KCTD19: variants seen among roughly 807,000 people sequenced by gnomAD.
KCTD19 encodes BTB/POZ domain-containing protein KCTD19.
In KCTD19, 67 loss-of-function variants were observed where a neutral mutation model predicts 103.5. The observed-to-expected ratio is 0.65, with a 90% CI of 0.53 to 0.79. The LOEUF is 0.79. Among genes scored for constraint, KCTD19 ranks in the 30% least tolerant of loss-of-function variants. KCTD19 has a pLI of 0.00. For missense variants in KCTD19, 980 were observed against 1,136.1 expected (o/e 0.86, Z 1.98); for synonymous variants, 439 against 452.2 (o/e 0.97, Z 0.37).
Position 67,303,419 on chromosome 16 carries a change from GC to G in KCTD19, c.452-83del. ...CAGCAGGGCTTTCACTGACCCAGGG[GC>G]CCCAGAGGATGCTAGAGAGACCCCC... On this transcript the variant is annotated intron_variant, in intron 3 of 15. Coordinates refer to ENST00000304372, the MANE Select transcript of KCTD19 (RefSeq NM_001100915.3). The surrounding 1 kb of genome is among the most constrained non-coding windows in gnomAD (Gnocchi z 4.3). 2 of 1,217,654 alleles carry G rather than the reference GC, an allele frequency of 1.6e-6. No individual in the cohort carries two copies. The highest frequency in any genetic ancestry group is 2.3e-6 in the Non-Finnish European group (2 of 872,682). 75.4% of individuals were successfully genotyped at this position (1,217,654 alleles called of 1,614,324 possible).
chr16:67,291,229 C>T lies in KCTD19; in HGVS notation c.2565+80G>A, dbSNP rs1214216032. The T allele has an allele frequency of 3.3e-6, 5 of 1,530,660 alleles. No homozygotes were observed. In the East Asian group the frequency reaches 1.1e-4, roughly 34 times the overall value. The allele number at this position is 1,530,660 out of a possible 1,614,324, so 94.8% of individuals were successfully genotyped here. A position where few individuals can be genotyped will look rare whatever the true frequency, so the allele number is the denominator to read the frequency against. ...CCCATCTTGGCTTACTTCCTCTTGCCTTGCACCACTTATTGTGGGGCAGGG... is the reference window on the plus strand; with the variant it reads ...CCCATCTTGGCTTACTTCCTCTTGCTTTGCACCACTTATTGTGGGGCAGGG... On this transcript the variant is annotated intron_variant, in intron 14 of 15. Transcript: ENST00000304372.
chr16:67,314,828 TATAGAGAGAG>T (rs1360721322), intron 2 of KCTD19, among the ~76,000 whole-genome samples: 3 of 50,368 alleles, frequency 6.0e-5, no homozygotes, highest in Non-Finnish European at 9.9e-5. Context: ...TATATATATA[TATAGAGAGAG>T]AGAGAGAGAG....
rs2037093506 is a variant in KCTD19 at position 67,323,081 on chromosome 16, C to G, written c.4-2196G>C. ...ACAAGTGTCGACAAAGAAACCAGAACCCCCATGCACTGCTGGTGGAGGTGT... is the reference window on the plus strand; with the variant it reads ...ACAAGTGTCGACAAAGAAACCAGAAGCCCCATGCACTGCTGGTGGAGGTGT... On this transcript the variant is annotated intron_variant, in intron 1 of 15. Transcript: ENST00000304372. This position sits in a 1 kb window ranked among gnomAD's most constrained non-coding sequence, Gnocchi z 4.1. Among the ~76,000 whole-genome samples the G allele has an allele frequency of 6.6e-6, 1 of 152,154 alleles. No individual in the cohort carries two copies. The highest frequency in any genetic ancestry group is 2.4e-5 in the African/African-American group (1 of 41,430).
At chr16:67,311,507 T>C (rs2036948755) in intron 2 of KCTD19, among the ~76,000 whole-genome samples, 1 of 152,046 alleles carries the variant, frequency 6.6e-6, no homozygotes, top group African/African-American at 2.4e-5. Context: ...TTCACTATCT[T>C]GGCCAAGTTG....
At position 67,295,270 on chromosome 16, in the gene KCTD19, CA is replaced by C. The variant is rs764786563; in HGVS notation, c.1383del (p.Glu462AsnfsTer53). ...CGTCCTTGCTTCACTTACTTAAATT[CA>C]GATGGTAAAAACAGTTTGCCAAGTC... ...FLRLGKLFLPSEFKEWPLFCQ... is the reference protein window; with the variant it reads ...FLRLGKLFLPXEFKEWPLFCQ... On this transcript the variant is annotated frameshift_variant, in exon 9 of 16. Transcript: ENST00000304372. LOFTEE classifies it high-confidence loss of function. The C allele has an allele frequency of 1.9e-6, 3 of 1,614,040 alleles. No homozygotes were observed. In the Admixed American group the frequency reaches 5.0e-5, roughly 27 times the overall value.
intron 7 of KCTD19, among the ~76,000 whole-genome samples, chr16:67,296,566 G>C (rs2036767586): frequency 1.3e-5 from 2 of 152,170 alleles, no homozygotes; most frequent in Admixed American, 1.3e-4. Context: ...GGTGTGTCCT[G>C]AGTGTGTAGC....
chr16:67,317,753 C>G (rs951482019), intron 2 of KCTD19, among the ~76,000 whole-genome samples: 1 of 152,108 alleles, frequency 6.6e-6, no homozygotes, highest in Non-Finnish European at 1.5e-5. Flanking sequence ...ACATAAGTGG[C>G]TCACATACGT....
chr16:67,303,108 C>CGGGGGGGGGGGGGGGGGGG lies in KCTD19; in HGVS notation c.643+37_643+38insCCCCCCCCCCCCCCCCCCC. ...ATGGGGAGGGGTGAATGGGCCCTAT[C>CGGGGGGGGGGGGGGGGGGG]AGCCCGCCCCCCACCCCACCCCGGA... On this transcript the variant is annotated intron_variant, in intron 4 of 15. Coordinates refer to ENST00000304372, the MANE Select transcript of KCTD19 (RefSeq NM_001100915.3). This position sits in a 1 kb window ranked among gnomAD's most constrained non-coding sequence, Gnocchi z 4.3. 3 of 798,078 alleles carry CGGGGGGGGGGGGGGGGGGG rather than the reference C, an allele frequency of 3.8e-6. No individual in the cohort carries two copies. Among genetic ancestry groups the CGGGGGGGGGGGGGGGGGGG allele is most frequent in the Non-Finnish European group, 6.3e-6 (3 of 476,660 alleles). 49.4% of individuals were successfully genotyped at this position (798,078 alleles called of 1,614,324 possible). A position where few individuals can be genotyped will look rare whatever the true frequency, so the allele number is the denominator to read the frequency against.
intron 7 of KCTD19, 77 bp from the exon 8 acceptor site, chr16:67,296,336 G>A: frequency 1.2e-6 from 1 of 867,634 alleles, no homozygotes; most frequent in South Asian, 1.3e-5. Context: ...GGTTAGTAGT[G>A]TATTTCACGT....
intron 11 of KCTD19, 47 bp downstream of exon 11, chr16:67,294,533 G>A: frequency 3.0e-6 from 4 of 1,322,034 alleles, no homozygotes; most frequent in African/African-American, 1.4e-5. Flanking sequence ...GAGCCCGGTG[G>A]TAGTGGTTTT....
chr16:67,309,768 G>A (rs545669555), intron 2 of KCTD19, among the ~76,000 whole-genome samples: 1 of 152,302 alleles, frequency 6.6e-6, no homozygotes, highest in African/African-American at 2.4e-5. Context: ...GGAGGTGTTT[G>A]GTACTGGATG....
chr16:67,312,107 G>A (rs187560542), intron 2 of KCTD19, among the ~76,000 whole-genome samples: 18 of 152,322 alleles, frequency 1.2e-4, no homozygotes, highest in African/African-American at 4.1e-4. Context: ...CTCACAAGTG[G>A]AACAATTTAA....
rs778095665 is a variant in KCTD19 at position 67,290,996 on chromosome 16, G to T, written c.2566-10C>A. 1.2e-4 allele frequency: 187 copies of T among 1,613,486 alleles called. 1 individual carries two copies. The highest frequency in any genetic ancestry group is 1.5e-4 in the Non-Finnish European group (182 of 1,179,718). On this transcript the variant is annotated splice_polypyrimidine_tract_variant and intron_variant, in intron 14 of 15. Transcript: ENST00000304372. The stretch of plus-strand genomic sequence containing the variant: ...GGCTGATGTGCAGGGTCTGCCAGGA[G>T]AGCCCACAGTCAGGCAGTGCTAGGG...
Position 67,303,782 on chromosome 16 carries a change from C to T in KCTD19, c.452-445G>A, listed in dbSNP as rs939895693. 9.2e-5 allele frequency among the ~76,000 whole-genome samples: 14 copies of T among 151,986 alleles called. No homozygotes were observed. Among genetic ancestry groups the T allele is most frequent in the African/African-American group, 2.9e-4 (12 of 41,378 alleles). On this transcript the variant is annotated intron_variant, in intron 3 of 15. Transcript: ENST00000304372. This position sits in a 1 kb window ranked among gnomAD's most constrained non-coding sequence, Gnocchi z 4.3. ...GGCTGGTCTCGAACTCCTGACCTCA[C>T]GTGATCCATCTGCCTCAGCCTCCCA...
intron 9 of KCTD19, 30 bp from the exon 10 acceptor site, chr16:67,295,086 G>A (rs767342488): frequency 3.6e-5 from 58 of 1,599,544 alleles, no homozygotes; most frequent in Non-Finnish European, 4.8e-5. Context: ...ATCCAGCTGG[G>A]CAGCTAGGAT....
rs118063135 is a variant in KCTD19 at position 67,293,254 on chromosome 16, C to T, written c.2218+290G>A. Among the ~76,000 whole-genome samples, 63 of 152,242 alleles carry T rather than the reference C, an allele frequency of 4.1e-4. 1 individual carries two copies. In the East Asian group the frequency reaches 0.011, roughly 27 times the overall value. On this transcript the variant is annotated intron_variant, in intron 12 of 15. Coordinates refer to ENST00000304372, the MANE Select transcript of KCTD19 (RefSeq NM_001100915.3). The surrounding 1 kb of genome is among the most constrained non-coding windows in gnomAD (Gnocchi z 4.0). ...GCCCTGCGCTTCCAAACATCCTGGA[C>T]TTCTCCTTCCTTCCCCTGCTGACTC...
At chr16:67,325,758 C>A (rs1180782586) in intron 1 of KCTD19, among the ~76,000 whole-genome samples, 1 of 152,154 alleles carries the variant, frequency 6.6e-6, no homozygotes, top group South Asian at 2.1e-4. Flanking sequence ...CTTAGGGGAA[C>A]CTGTGGTGCT....
chr16:67,293,728 G>A lies in KCTD19; in HGVS notation c.2034C>T (p.Ser678=). 1 of 1,614,066 alleles carries A rather than the reference G, an allele frequency of 6.2e-7. No individual in the cohort carries two copies. The highest frequency in any genetic ancestry group is 8.5e-7 in the Non-Finnish European group (1 of 1,180,006). ...TCCAGGCAGCTGAGGTGCTGGGCTG[G>A]GAAGCAGCCTCGCTTCCCAAGGGGA... The part of the protein sequence containing the change: ...LQLPLGSEAA[S]QPSTSAAWKA... The change falls in exon 12 of 16, where the codon TCC becomes TCT. Residue 678 remains serine (S), a synonymous_variant. Coordinates refer to ENST00000304372, the MANE Select transcript of KCTD19 (RefSeq NM_001100915.3). The surrounding 1 kb of genome is among the most constrained non-coding windows in gnomAD (Gnocchi z 4.0).
rs60872060 is a variant in KCTD19 at position 67,309,128 on chromosome 16, C to CAA, written c.301-4559_301-4558dup. On this transcript the variant is annotated intron_variant, in intron 2 of 15. Transcript: ENST00000304372. Reference sequence around the variant, plus strand: ...TAGGAGACAGAGCGAGACTTCAGCTCAAAAAAAAAAAAAAAAGAAAAAAGA... The same window carrying CAA: ...TAGGAGACAGAGCGAGACTTCAGCTCAAAAAAAAAAAAAAAAAAGAAAAAAGA... Among the ~76,000 whole-genome samples the CAA allele has an allele frequency of 8.7e-3, 662 of 75,828 alleles. 4 individuals carry two copies. The highest frequency in any genetic ancestry group is 0.013 in the African/African-American group (291 of 23,228). 49.7% of individuals were successfully genotyped at this position (75,828 alleles called of 152,430 possible). A position where few individuals can be genotyped will look rare whatever the true frequency, so the allele number is the denominator to read the frequency against.
Sources: allele counts gnomAD v4.1 joint callset (sites outside exome capture counted in the v4.1 genomes callset), GRCh38; gene constraint gnomAD v4.1.1; non-coding constraint Gnocchi (gnomAD v3.1); transcripts MANE v1.5; gene names NCBI Gene and HGNC (gene_info 2026-07-23, HGNC 2026-07-21).